The following TNPO3 variants were observed in gnomAD, a reference collection of about 807,000 sequenced individuals.
TNPO3 encodes the protein transportin 3.
In TNPO3, 65 loss-of-function variants were observed where a neutral mutation model predicts 122.8. The observed-to-expected ratio is 0.53, with a 90% confidence interval of 0.43 to 0.65. TNPO3 has a LOEUF of 0.65. Ranked by LOEUF, TNPO3 falls within the 30% of genes least tolerant of loss-of-function variation. The pLI, the probability that TNPO3 is intolerant of heterozygous loss-of-function variation, is 0.00. For synonymous variants in TNPO3, 372 were observed against 411.2 expected, an observed-to-expected ratio of 0.90 and a Z score of 1.15; for missense variants, 850 against 1,136.7, an observed-to-expected ratio of 0.75 and a Z score of 3.63.
chr7:129,042,053 C>T (rs906016094), intron 1 of TNPO3, among the ~76,000 whole-genome samples: 2 of 152,162 alleles, frequency 1.3e-5, no homozygotes, highest in African/African-American at 2.4e-5. Flanking sequence ...CCCAGACAGG[C>T]GCCTAAGGAC....
chr7:129,005,304 G>T, intron 4 of TNPO3, 145 bp from the exon 5 acceptor site: 3 of 542,400 alleles, frequency 5.5e-6, no homozygotes, highest in South Asian at 3.1e-5. Context: ...AAGTGTCACT[G>T]TTTTTTTTTT....
rs564209649 is a variant in TNPO3 at position 129,054,889 on chromosome 7, C to G, written c.-119G>C. The G allele has an allele frequency of 6.9e-4, 961 of 1,397,730 alleles. 3 individuals are homozygous for G. Among genetic ancestry groups the G allele is most frequent in the Non-Finnish European group, 6.9e-4 (700 of 1,016,954 alleles). 86.6% of individuals were successfully genotyped at this position (1,397,730 alleles called of 1,614,324 possible). A position where few individuals can be genotyped will look rare whatever the true frequency, so the allele number is the denominator to read the frequency against. On this transcript the variant is annotated 5_prime_UTR_variant, in exon 1 of 23. Coordinates refer to ENST00000265388, the MANE Select transcript of TNPO3 (RefSeq NM_012470.4). ...ACGGCCGCTCCCTGACTGGCGCCATCTCCTCCTCTTTGGCCGTTACCAGGG... is the reference window on the plus strand; with the variant it reads ...ACGGCCGCTCCCTGACTGGCGCCATGTCCTCCTCTTTGGCCGTTACCAGGG...
At chr7:129,017,832 G>C in intron 2 of TNPO3, 125 bp downstream of exon 2, 1 of 942,520 alleles carries the variant, frequency 1.1e-6, no homozygotes, top group Non-Finnish European at 1.6e-6. Context: ...CCACTTACAA[G>C]AACATAGCAG....
Position 129,054,130 on chromosome 7 carries a change from G to T in TNPO3, c.120+521C>A, listed in dbSNP as rs1016913815. On this transcript the variant is annotated intron_variant, in intron 1 of 22. Transcript: ENST00000265388. Reference sequence around the variant, plus strand: ...CCACTCCAAAGCAAGGGGAAAACTCGCATGAGTAAGAATCTAGAAACCTGA... The same window carrying T: ...CCACTCCAAAGCAAGGGGAAAACTCTCATGAGTAAGAATCTAGAAACCTGA... Among the ~76,000 whole-genome samples, 3 of 152,252 alleles carry T rather than the reference G, an allele frequency of 2.0e-5. No homozygotes were observed. The East Asian group carries it at 5.8e-4, about 29-fold the overall frequency.
intron 21 of TNPO3, among the ~76,000 whole-genome samples, chr7:128,962,371 CAAAA>C (rs11287209): frequency 5.9e-5 from 6 of 102,228 alleles, no homozygotes; most frequent in Admixed American, 2.1e-4. Context: ...GACTCCGTCT[CAAAA>C]AAAAAAAAAA....
intron 20 of TNPO3, among the ~76,000 whole-genome samples, chr7:128,968,546 T>C (rs1798142058): frequency 1.3e-5 from 2 of 152,194 alleles, no homozygotes; most frequent in Admixed American, 6.5e-5. Context: ...ATTACTCTTT[T>C]ATACCTAATT....
intron 1 of TNPO3, among the ~76,000 whole-genome samples, chr7:129,039,866 T>C (rs1807152210): frequency 6.6e-6 from 1 of 152,180 alleles, no homozygotes; most frequent in East Asian, 1.9e-4. Context: ...ATATCCAGAA[T>C]AGGCAAAACT....
At chr7:129,051,319 A>G (rs1302996315) in intron 1 of TNPO3, among the ~76,000 whole-genome samples, 1 of 152,042 alleles carries the variant, frequency 6.6e-6, no homozygotes, top group African/African-American at 2.4e-5. Flanking sequence ...TTATGATCAC[A>G]GCAGAATGTC....
chr7:128,983,049 C>G lies in TNPO3; in HGVS notation c.1783-725G>C, dbSNP rs1013673940. Among the ~76,000 whole-genome samples, 6 of 152,298 alleles carry G rather than the reference C, an allele frequency of 3.9e-5. No homozygotes were observed. The South Asian group carries it at 1.0e-3, about 26-fold the overall frequency. ...CTCCCACCAACTGAATAGGTCCCTCCTGTTGCCATGGGGACCCCAGAGAAA... is the reference window on the plus strand; with the variant it reads ...CTCCCACCAACTGAATAGGTCCCTCGTGTTGCCATGGGGACCCCAGAGAAA... On this transcript the variant is annotated intron_variant, in intron 13 of 22. Transcript: ENST00000265388.
At chr7:128,957,808 C>G (rs1009196201) in intron 21 of TNPO3, among the ~76,000 whole-genome samples, 1 of 152,128 alleles carries the variant, frequency 6.6e-6, no homozygotes, top group Admixed American at 6.5e-5. Flanking sequence ...TTACAAAGGC[C>G]GGTCTAGCAA....
chr7:128,986,732 T>C lies in TNPO3; in HGVS notation c.1687A>G (p.Lys563Glu). 6.2e-7 allele frequency: 1 copy of C among 1,611,174 alleles called. No homozygotes were observed. The highest frequency in any genetic ancestry group is 1.1e-5 in the South Asian group (1 of 90,602). Residue 563 changes from lysine (K) to glutamate (E), a missense_variant, in exon 12 of 23, where the codon AAA becomes GAA. Lys to Glu is a moderately conservative substitution (Grantham distance 56, BLOSUM62 1). Coordinates refer to ENST00000265388, the MANE Select transcript of TNPO3 (RefSeq NM_012470.4). ...GTGGTTAACATCAAGTGAGTACCTT[T>C]TAGCAAGCCCACAGCAGCTTCTGGA... ...LSPEAAVGLL[K>E]GTALVLARLP...
At chr7:128,962,938 T>A (rs1495458) in intron 21 of TNPO3, among the ~76,000 whole-genome samples, 2,300 of 152,314 alleles carry the variant, frequency 0.015, 30 homozygotes, top group Non-Finnish European at 0.024. Flanking sequence ...TTATCTGTCA[T>A]ATATTAGTCC....
chr7:129,026,084 C>T (rs1157261075), intron 1 of TNPO3, among the ~76,000 whole-genome samples: 3 of 149,766 alleles, frequency 2.0e-5, no homozygotes, highest in Non-Finnish European at 4.4e-5. Flanking sequence ...CGAGATCATG[C>T]CATTGCACTC....
chr7:129,011,038 A>G (rs1193538767), intron 4 of TNPO3, among the ~76,000 whole-genome samples: 1 of 152,230 alleles, frequency 6.6e-6, no homozygotes, highest in Non-Finnish European at 1.5e-5. Flanking sequence ...AATGTAGAGG[A>G]AAGAATTCAT....
chr7:128,979,905 T>C, intron 15 of TNPO3, 66 bp downstream of exon 15: 1 of 1,445,430 alleles, frequency 6.9e-7, no homozygotes, highest in Non-Finnish European at 9.7e-7. Flanking sequence ...CTCAGGTGAG[T>C]TACCCAAAGC....
intron 1 of TNPO3, among the ~76,000 whole-genome samples, chr7:129,021,175 G>A (rs1804459810): frequency 6.6e-6 from 1 of 152,018 alleles, no homozygotes; most frequent in Admixed American, 6.5e-5. Context: ...GGCCAATATG[G>A]TGAAACCCCG....
intron 4 of TNPO3, 65 bp from the exon 5 acceptor site, chr7:129,005,224 C>A: frequency 6.9e-7 from 1 of 1,443,058 alleles, no homozygotes; most frequent in South Asian, 1.3e-5. Context: ...TTATTTCAAT[C>A]ACCTTACAAG....
intron 14 of TNPO3, 31 bp downstream of exon 14, chr7:128,982,217 C>T (rs372004620): frequency 1.3e-6 from 2 of 1,587,292 alleles, no homozygotes; most frequent in African/African-American, 1.3e-5. Flanking sequence ...GCCTTTAACC[C>T]AAGTAAGGCA....
chr7:129,004,969 G>A (rs751963184), intron 5 of TNPO3, 47 bp downstream of exon 5: 22 of 1,576,822 alleles, frequency 1.4e-5, no homozygotes, highest in East Asian at 1.4e-4. Flanking sequence ...GGTTAGTTAC[G>A]AAAAGTGATT....
Sources: allele counts gnomAD v4.1 joint callset (sites outside exome capture counted in the v4.1 genomes callset), GRCh38; gene constraint gnomAD v4.1.1; transcripts MANE v1.5; gene names NCBI Gene and HGNC (gene_info 2026-07-23, HGNC 2026-07-21).